The following DPYD variants were observed in gnomAD, a reference collection of about 807,000 sequenced individuals.
DPYD encodes the protein dihydropyrimidine dehydrogenase, also known as dihydropyrimidine dehydrogenase [NADP(+)].
Under a neutral mutation model 116.2 loss-of-function variants are expected in DPYD, and 109 were observed. The ratio of observed to expected loss-of-function variants is 0.94; its 90% CI spans 0.80 to 1.10. The LOEUF is 1.10. Ranked by LOEUF, DPYD falls within the 50% of genes least tolerant of loss-of-function variation. The probability of loss-of-function intolerance (pLI) is 0.00; values close to 1 mark genes in which losing one functional copy is unlikely to be tolerated. For synonymous variants in DPYD, 440 were observed against 432.0 expected (o/e 1.02, Z -0.23); for missense variants, 1,302 against 1,254.5 (o/e 1.04, Z -0.57).
chr1:97,467,890 G>C (rs553184259), intron 13 of DPYD, among the ~76,000 whole-genome samples: 2 of 152,276 alleles, frequency 1.3e-5, no homozygotes, highest in South Asian at 4.1e-4. Context: ...TTTCTGGAGT[G>C]CAAAAGAAGG....
chr1:97,470,594 C>T (rs2101850461), intron 13 of DPYD, among the ~76,000 whole-genome samples: 1 of 152,302 alleles, frequency 6.6e-6, no homozygotes, highest in East Asian at 1.9e-4. Context: ...AGCAGTATAA[C>T]TGCACGAGGA....
At chr1:97,727,765 T>C (rs570723081) in intron 4 of DPYD, among the ~76,000 whole-genome samples, 2 of 151,940 alleles carry the variant, frequency 1.3e-5, no homozygotes, top group Admixed American at 1.3e-4. Flanking sequence ...AGAAACCTAT[T>C]AGGAGGGGAA....
At chr1:97,765,961 T>G (rs922868866) in intron 3 of DPYD, among the ~76,000 whole-genome samples, 5 of 152,100 alleles carry the variant, frequency 3.3e-5, no homozygotes. Context: ...AAAACTGTTG[T>G]GGCCAGGTGC....
At chr1:97,229,374 C>T (rs1272257190) in intron 19 of DPYD, among the ~76,000 whole-genome samples, 1 of 149,858 alleles carries the variant, frequency 6.7e-6, no homozygotes, top group Non-Finnish European at 1.5e-5. Context: ...TAATATTCAA[C>T]AGCTTAAAAC....
At chr1:97,514,062 C>T (rs947535478) in intron 13 of DPYD, 3 of 436,770 alleles carry the variant, frequency 6.9e-6, no homozygotes, top group Non-Finnish European at 9.1e-6. Context: ...GGTTACATTT[C>T]ATGTGCCAAA....
At chr1:97,790,566 G>T (rs895430313) in intron 3 of DPYD, among the ~76,000 whole-genome samples, 2 of 152,138 alleles carry the variant, frequency 1.3e-5, no homozygotes, top group African/African-American at 4.8e-5. Flanking sequence ...CTCAGAAAAC[G>T]TGCTTGAATA....
At chr1:97,532,011 G>T (rs1318589729) in intron 12 of DPYD, among the ~76,000 whole-genome samples, 5 of 151,792 alleles carry the variant, frequency 3.3e-5, no homozygotes, top group Admixed American at 1.3e-4. Context: ...TCCAGTTTTT[G>T]TGTGTGTGTG....
Position 97,450,171 on chromosome 1 carries a change from G to A in DPYD, c.1793C>T (p.Pro598Leu), listed in dbSNP as rs1402599831. ...PRIIRGTTSGPMYGPGQSSFL... is the reference protein window; with the variant it reads ...PRIIRGTTSGLMYGPGQSSFL... ...GGAGCTTTGTCCAGGGCCATACATGGGGCCAGAGGTGGTTCCCCGGATGAT... is the reference window on the plus strand; with the variant it reads ...GGAGCTTTGTCCAGGGCCATACATGAGGCCAGAGGTGGTTCCCCGGATGAT... Residue 598 changes from proline to leucine, a missense_variant, in exon 14 of 23, where the codon CCC becomes CTC. Physicochemically the swap from Pro to Leu is moderately conservative, Grantham distance 98 (BLOSUM62 -3). Transcript: ENST00000370192. 1 of 1,613,850 alleles carries A rather than the reference G, an allele frequency of 6.2e-7. No homozygotes were observed. The highest frequency in any genetic ancestry group is 1.7e-5 in the Admixed American group (1 of 59,952).
chr1:97,688,475 G>A (rs1324819212), intron 7 of DPYD, among the ~76,000 whole-genome samples: 3 of 151,778 alleles, frequency 2.0e-5, no homozygotes, highest in East Asian at 3.9e-4. Context: ...ACTTATAGAC[G>A]ATATGAAGAA....
chr1:97,389,838 A>G (rs1672585551), intron 14 of DPYD, among the ~76,000 whole-genome samples: 1 of 148,770 alleles, frequency 6.7e-6, no homozygotes, highest in Admixed American at 6.8e-5. Flanking sequence ...TCAAAGGTGA[A>G]AAACAATGTG....
chr1:97,703,972 C>T (rs1260236751), intron 5 of DPYD, among the ~76,000 whole-genome samples: 3 of 151,984 alleles, frequency 2.0e-5, no homozygotes, highest in Non-Finnish European at 4.4e-5. Context: ...CACTATTGCA[C>T]CTCGGCAATA....
At position 97,611,532 on chromosome 1, in the gene DPYD, T is replaced by G. The variant is rs139950707; in HGVS notation, c.851-16366A>C. On this transcript the variant is annotated intron_variant, in intron 8 of 22. Coordinates refer to ENST00000370192, the MANE Select transcript of DPYD (RefSeq NM_000110.4). ...GTGTTCTAGGAGGTTACAGGGGCAA[T>G]CCATGCAACTGCAATTTGAAAATTC... 1.8e-4 allele frequency among the ~76,000 whole-genome samples: 27 copies of G among 152,194 alleles called. No individual in the cohort carries two copies. In the East Asian group the frequency reaches 5.0e-3, roughly 28 times the overall value.
intron 7 of DPYD, among the ~76,000 whole-genome samples, chr1:97,682,555 C>T (rs944591249): frequency 2.6e-5 from 4 of 152,026 alleles, no homozygotes; most frequent in East Asian, 3.9e-4. Flanking sequence ...TAAAGCTTTG[C>T]TTACATTATG....
chr1:97,231,443 T>C (rs1423153558), intron 19 of DPYD, among the ~76,000 whole-genome samples: 1 of 152,162 alleles, frequency 6.6e-6, no homozygotes, highest in African/African-American at 2.4e-5. Flanking sequence ...CTCACAATCA[T>C]GTGGAAGGCA....
chr1:97,735,618 G>A (rs1230563991), intron 4 of DPYD, among the ~76,000 whole-genome samples: 1 of 151,126 alleles, frequency 6.6e-6, no homozygotes, highest in Non-Finnish European at 1.5e-5. Flanking sequence ...AACCCGGGAG[G>A]CGGAGCTTGC....
chr1:97,874,568 T>C (rs1181015411), intron 2 of DPYD, among the ~76,000 whole-genome samples: 1 of 151,920 alleles, frequency 6.6e-6, no homozygotes, highest in Non-Finnish European at 1.5e-5. Flanking sequence ...TCCTTAAAAA[T>C]GATGTGATTC....
intron 16 of DPYD, among the ~76,000 whole-genome samples, chr1:97,372,008 C>T (rs10875076): frequency 0.26 from 39,232 of 152,032 alleles, 5,275 homozygotes; most frequent in South Asian, 0.43. Flanking sequence ...AATAACTCTC[C>T]AGAAAGGATG....
At chr1:97,580,400 G>A (rs1401784945) in intron 10 of DPYD, among the ~76,000 whole-genome samples, 1 of 152,122 alleles carries the variant, frequency 6.6e-6, no homozygotes, top group East Asian at 1.9e-4. Flanking sequence ...TTAAATTATT[G>A]GATGTACCAG....
chr1:97,889,658 T>A (rs1672680782), intron 1 of DPYD, among the ~76,000 whole-genome samples: 1 of 151,976 alleles, frequency 6.6e-6, no homozygotes, highest in South Asian at 2.1e-4. Flanking sequence ...CAATACTAAT[T>A]AAAGACTTCA....
Sources: allele counts gnomAD v4.1 joint callset (sites outside exome capture counted in the v4.1 genomes callset), GRCh38; gene constraint gnomAD v4.1.1; transcripts MANE v1.5; gene names NCBI Gene and HGNC (gene_info 2026-07-23, HGNC 2026-07-21).